The following PAG1 variants were observed in gnomAD, a reference collection of about 807,000 sequenced individuals.
PAG1 encodes the protein phosphoprotein associated with glycosphingolipid-enriched microdomains 1.
PAG1 carries 23 observed loss-of-function variants against 31.7 expected under a neutral mutation model. That is an observed-to-expected ratio of 0.73 (90% CI 0.52 to 1.03). PAG1 has a LOEUF of 1.03. Among genes scored for constraint, PAG1 ranks in the 50% least tolerant of loss-of-function variants. The probability of loss-of-function intolerance (pLI) is 0.00; values close to 1 mark genes in which losing one functional copy is unlikely to be tolerated. For synonymous variants in PAG1, 214 were observed against 210.3 expected, an observed-to-expected ratio of 1.02 and a Z score of -0.15; for missense variants, 473 against 540.7, an observed-to-expected ratio of 0.87 and a Z score of 1.24.
intron 2 of PAG1, among the ~76,000 whole-genome samples, chr8:81,065,979 T>C (rs1808999891): frequency 6.6e-6 from 1 of 152,208 alleles, no homozygotes; most frequent in Non-Finnish European, 1.5e-5. Flanking sequence ...TACATAGGGT[T>C]ATTCCAAAGT....
intron 3 of PAG1, 89 bp from the exon 4 acceptor site, chr8:80,993,396 C>T (rs375715929): frequency 3.6e-5 from 23 of 643,232 alleles, no homozygotes; most frequent in Non-Finnish European, 5.0e-5. Context: ...AAGACCTTTG[C>T]GCAAAGTCAG....
At chr8:81,087,853 T>G (rs987163958) in intron 1 of PAG1, among the ~76,000 whole-genome samples, 1 of 152,194 alleles carries the variant, frequency 6.6e-6, no homozygotes, top group Non-Finnish European at 1.5e-5. Context: ...AATAAGCCAT[T>G]TTGTATGTTG....
At chr8:81,070,708 T>C (rs1168200557) in intron 1 of PAG1, among the ~76,000 whole-genome samples, 2 of 152,114 alleles carry the variant, frequency 1.3e-5, no homozygotes, top group Non-Finnish European at 2.9e-5. Flanking sequence ...AATTGTTATA[T>C]TTAGCTATAT....
intron 2 of PAG1, among the ~76,000 whole-genome samples, chr8:81,068,576 G>A (rs73279964): frequency 0.049 from 7,499 of 152,264 alleles, 345 homozygotes; most frequent in African/African-American, 0.12. Flanking sequence ...AGCTCAGCTT[G>A]AGATAAATTA....
intron 2 of PAG1, among the ~76,000 whole-genome samples, chr8:81,059,750 G>A (rs1409934260): frequency 6.6e-6 from 1 of 152,178 alleles, no homozygotes; most frequent in African/African-American, 2.4e-5. Flanking sequence ...TTGGGGCTGG[G>A]TGTTGTGGCT....
intron 3 of PAG1, among the ~76,000 whole-genome samples, chr8:81,005,214 C>T (rs550275406): frequency 1.1e-4 from 17 of 152,246 alleles, no homozygotes; most frequent in African/African-American, 3.9e-4. Context: ...ACTTAGGGGG[C>T]TTTCCAGGTA....
chr8:81,093,206 T>G (rs1361195570), intron 1 of PAG1, among the ~76,000 whole-genome samples: 1 of 152,144 alleles, frequency 6.6e-6, no homozygotes, highest in Non-Finnish European at 1.5e-5. Context: ...CTGCCCCAGG[T>G]AAGGCATCTA....
chr8:80,998,898 C>A (rs1341234190), intron 3 of PAG1, among the ~76,000 whole-genome samples: 1 of 152,178 alleles, frequency 6.6e-6, no homozygotes, highest in African/African-American at 2.4e-5. Flanking sequence ...GAAATATGGT[C>A]AAGGGCCCAA....
chr8:81,066,637 T>C (rs1025884267), intron 2 of PAG1, among the ~76,000 whole-genome samples: 1 of 152,176 alleles, frequency 6.6e-6, no homozygotes. Context: ...ATATGTGAAA[T>C]TGGCAGGCAA....
chr8:81,083,470 G>A (rs551249279), intron 1 of PAG1, among the ~76,000 whole-genome samples: 1 of 152,136 alleles, frequency 6.6e-6, no homozygotes, highest in Admixed American at 6.5e-5. Context: ...CGAGGGCTGG[G>A]GTGCCTTGGG....
At chr8:81,083,429 C>T (rs1809300650) in intron 1 of PAG1, among the ~76,000 whole-genome samples, 2 of 152,172 alleles carry the variant, frequency 1.3e-5, no homozygotes, top group South Asian at 4.2e-4. Flanking sequence ...CCTTGGCTCC[C>T]TACTCAGTTT....
chr8:81,035,818 G>T (rs1227657927), intron 2 of PAG1, among the ~76,000 whole-genome samples: 1 of 151,766 alleles, frequency 6.6e-6, no homozygotes, highest in Non-Finnish European at 1.5e-5. Context: ...TATTTAGAAG[G>T]CCAAAGATCA....
At chr8:81,090,368 C>T (rs1472895024) in intron 1 of PAG1, among the ~76,000 whole-genome samples, 1 of 152,160 alleles carries the variant, frequency 6.6e-6, no homozygotes, top group Admixed American at 6.5e-5. Flanking sequence ...ATGAGACATT[C>T]TGTTACTTAG....
intron 2 of PAG1, among the ~76,000 whole-genome samples, chr8:81,042,217 G>A (rs372550073): frequency 2.6e-5 from 4 of 152,128 alleles, no homozygotes; most frequent in African/African-American, 9.7e-5. Context: ...AGAAAACAGA[G>A]TCTATGCCTC....
intron 2 of PAG1, among the ~76,000 whole-genome samples, chr8:81,041,714 G>A (rs1373366648): frequency 6.6e-6 from 1 of 152,088 alleles, no homozygotes; most frequent in Non-Finnish European, 1.5e-5. Context: ...AGAACCTCAG[G>A]ATTGCATGCT....
intron 3 of PAG1, among the ~76,000 whole-genome samples, chr8:81,003,175 G>A (rs939554981): frequency 2.6e-5 from 4 of 152,184 alleles, no homozygotes; most frequent in African/African-American, 7.2e-5. Flanking sequence ...GCAGGTGATC[G>A]TGACGCACTC....
chr8:81,053,842 T>A (rs970688822), intron 2 of PAG1, among the ~76,000 whole-genome samples: 3 of 152,128 alleles, frequency 2.0e-5, no homozygotes, highest in Admixed American at 2.0e-4. Context: ...GGAATCAAGA[T>A]CTTATGAGAA....
intron 2 of PAG1, among the ~76,000 whole-genome samples, chr8:81,033,972 G>T (rs1808422560): frequency 6.6e-6 from 1 of 152,232 alleles, no homozygotes; most frequent in Non-Finnish European, 1.5e-5. Flanking sequence ...TATCTGGGTA[G>T]ACAAATACAG....
At chr8:81,071,129 A>C (rs1423924535) in intron 1 of PAG1, among the ~76,000 whole-genome samples, 1 of 152,218 alleles carries the variant, frequency 6.6e-6, no homozygotes, top group East Asian at 1.9e-4. Flanking sequence ...TGAAAAGCAA[A>C]GTAACATTTG....
Sources: allele counts gnomAD v4.1 joint callset (sites outside exome capture counted in the v4.1 genomes callset), GRCh38; gene constraint gnomAD v4.1.1; transcripts MANE v1.5; gene names NCBI Gene and HGNC (gene_info 2026-07-23, HGNC 2026-07-21).